Variants in ZCCHC7 observed in about 807,000 individuals in gnomAD.
ZCCHC7 encodes zinc finger CCHC domain-containing protein 7.
In ZCCHC7, 35 loss-of-function variants were observed where a neutral mutation model predicts 52.0. That is an observed-to-expected ratio of 0.67 (90% CI 0.51 to 0.89). The LOEUF (loss-of-function observed/expected upper bound fraction) is 0.89. ZCCHC7 is among the 40% of genes least tolerant of loss of function. ZCCHC7 has a pLI of 0.00. For missense variants in ZCCHC7, 574 were observed against 649.1 expected, an observed-to-expected ratio of 0.88 and a Z score of 1.26; for synonymous variants, 217 against 221.5, an observed-to-expected ratio of 0.98 and a Z score of 0.18.
intron 2 of ZCCHC7, among the ~76,000 whole-genome samples, chr9:37,266,609 C>T (rs1827116880): frequency 1.3e-5 from 2 of 152,124 alleles, no homozygotes; most frequent in African/African-American, 2.4e-5. Flanking sequence ...CATGGTGGCT[C>T]ATGCTTGTAA....
At chr9:37,265,866 C>T (rs911144980) in intron 2 of ZCCHC7, among the ~76,000 whole-genome samples, 1 of 152,114 alleles carries the variant, frequency 6.6e-6, no homozygotes, top group African/African-American at 2.4e-5. Flanking sequence ...CCATAGCACT[C>T]CTTCACATGA....
In ZCCHC7 at chr9:37,349,461, G is replaced by C. The variant is rs376145751; in HGVS notation, c.1083+9G>C. ...AAGGCCATTATGGACACGTAAGTTT[G>C]AGTGACATTTGGGCATGAAGCATTC... On this transcript the variant is annotated intron_variant, in intron 7 of 8. Transcript: ENST00000336755. 113 of 1,613,102 alleles carry C rather than the reference G, an allele frequency of 7.0e-5. 1 individual carries two copies. The African/African-American group carries it at 1.3e-3, about 19-fold the overall frequency.
chr9:37,152,200 A>G (rs1331639895), intron 2 of ZCCHC7, among the ~76,000 whole-genome samples: 2 of 151,346 alleles, frequency 1.3e-5, no homozygotes, highest in Non-Finnish European at 2.9e-5. Flanking sequence ...ATAAACTTGA[A>G]CTTCCCCCTT....
intron 2 of ZCCHC7, among the ~76,000 whole-genome samples, chr9:37,273,143 T>C (rs1827507737): frequency 6.6e-6 from 1 of 152,056 alleles, no homozygotes; most frequent in Non-Finnish European, 1.5e-5. Flanking sequence ...AATGGTAGAG[T>C]TGTGTAGTTG....
intron 2 of ZCCHC7, among the ~76,000 whole-genome samples, chr9:37,149,191 T>C (rs952728071): frequency 6.6e-6 from 1 of 152,198 alleles, no homozygotes; most frequent in African/African-American, 2.4e-5. Context: ...TAAACATAGA[T>C]TATCTTGTAC....
At chr9:37,214,387 C>T (rs1029754732) in intron 2 of ZCCHC7, among the ~76,000 whole-genome samples, 1 of 152,020 alleles carries the variant, frequency 6.6e-6, no homozygotes, top group Non-Finnish European at 1.5e-5. Context: ...TTGAATGAAG[C>T]TGTGCATTGA....
At chr9:37,151,835 C>CT (rs1438964631) in intron 2 of ZCCHC7, among the ~76,000 whole-genome samples, 11 of 152,058 alleles carry the variant, frequency 7.2e-5, no homozygotes, top group Admixed American at 3.9e-4. Flanking sequence ...TTCTTCGACT[C>CT]TAAGATGATG....
chr9:37,304,783 C>T (rs1829224539), intron 4 of ZCCHC7, among the ~76,000 whole-genome samples: 1 of 152,032 alleles, frequency 6.6e-6, no homozygotes, highest in Non-Finnish European at 1.5e-5. Flanking sequence ...AATTTGGAGT[C>T]AGAAAAATGT....
At chr9:37,250,032 A>G (rs1288916148) in intron 2 of ZCCHC7, among the ~76,000 whole-genome samples, 2 of 151,490 alleles carry the variant, frequency 1.3e-5, no homozygotes, top group African/African-American at 4.9e-5. Context: ...TGTTCTTCTA[A>G]TAGTCCAGCC....
At chr9:37,198,296 A>T (rs1823394940) in intron 2 of ZCCHC7, among the ~76,000 whole-genome samples, 1 of 152,168 alleles carries the variant, frequency 6.6e-6, no homozygotes, top group Admixed American at 6.5e-5. Flanking sequence ...GAATAATTTT[A>T]TTTTCTCCCA....
At chr9:37,296,584 CT>C (rs879621006) in intron 2 of ZCCHC7, among the ~76,000 whole-genome samples, 127 of 141,148 alleles carry the variant, frequency 9.0e-4, no homozygotes, top group South Asian at 4.9e-3. Flanking sequence ...GCTATTGTTT[CT>C]TTTTTTTTTT....
At chr9:37,355,582 A>G (rs150127514) in intron 8 of ZCCHC7, among the ~76,000 whole-genome samples, 93 of 152,330 alleles carry the variant, frequency 6.1e-4, no homozygotes, top group Non-Finnish European at 1.1e-3. Context: ...TATTTTACAT[A>G]TTTAATATAA....
At position 37,327,784 on chromosome 9, in the gene ZCCHC7, AT is replaced by A; in HGVS notation, c.952-10del. 1.9e-6 allele frequency: 3 copies of A among 1,612,874 alleles called. No individual in the cohort carries two copies. The Middle Eastern group carries it at 5.0e-4, about 266-fold the overall frequency. On this transcript the variant is annotated splice_polypyrimidine_tract_variant and intron_variant, in intron 5 of 8. Coordinates refer to ENST00000336755, the MANE Select transcript of ZCCHC7 (RefSeq NM_032226.3). ...TGTTTCATGCTCCCAGCTGATCAAT[AT>A]TTTTATTTTCCAGGCTTGCACAGAA...
intron 2 of ZCCHC7, among the ~76,000 whole-genome samples, chr9:37,272,510 A>G (rs964471109): frequency 2.5e-4 from 38 of 150,742 alleles, no homozygotes; most frequent in African/African-American, 8.0e-4. Context: ...AAAAAAAAAA[A>G]AAAAGAAAGA....
intron 2 of ZCCHC7, among the ~76,000 whole-genome samples, chr9:37,133,556 A>T (rs1243963500): frequency 6.6e-6 from 1 of 151,214 alleles, no homozygotes; most frequent in Non-Finnish European, 1.5e-5. Flanking sequence ...TTGTATTTTT[A>T]TTTTTTATTT....
chr9:37,212,943 T>C (rs1223401254), intron 2 of ZCCHC7, among the ~76,000 whole-genome samples: 3 of 152,186 alleles, frequency 2.0e-5, no homozygotes, highest in Admixed American at 1.3e-4. Flanking sequence ...TAAGTTTCCC[T>C]GGTTGATAGA....
chr9:37,154,579 C>T (rs1820707892), intron 2 of ZCCHC7, among the ~76,000 whole-genome samples: 2 of 152,126 alleles, frequency 1.3e-5, no homozygotes. Flanking sequence ...ACCTCCTGGG[C>T]TTAAGAAATC....
At chr9:37,317,558 A>C (rs964008236) in intron 5 of ZCCHC7, among the ~76,000 whole-genome samples, 5 of 152,232 alleles carry the variant, frequency 3.3e-5, no homozygotes, top group African/African-American at 1.2e-4. Context: ...AAAAAGACAG[A>C]AAAATATAAA....
At position 37,143,532 on chromosome 9, in the gene ZCCHC7, A is replaced by AC. The variant is rs1407082621; in HGVS notation, c.610+16590_610+16591insC. On this transcript the variant is annotated intron_variant, in intron 2 of 8. Transcript: ENST00000336755. ...GTTCCTGAAAAATAATATTCTGTGT[A>AC]TGAAAGAAAATAGGAGGTGAGAACA... 2.6e-5 allele frequency among the ~76,000 whole-genome samples: 4 copies of AC among 151,482 alleles called. No individual in the cohort carries two copies. The East Asian group carries it at 5.8e-4, about 22-fold the overall frequency.
Sources: allele counts gnomAD v4.1 joint callset (sites outside exome capture counted in the v4.1 genomes callset), GRCh38; gene constraint gnomAD v4.1.1; transcripts MANE v1.5; gene names NCBI Gene and HGNC (gene_info 2026-07-23, HGNC 2026-07-21).